The following ZNF644 variants were observed in gnomAD, a reference collection of about 807,000 sequenced individuals.
ZNF644 encodes zinc finger motif enhancer binding protein 2.
ZNF644 carries 20 observed loss-of-function variants against 108.0 expected under a neutral mutation model. The observed-to-expected ratio is 0.19, with a 90% CI of 0.13 to 0.27. The LOEUF is 0.27. ZNF644 is among the 10% of genes least tolerant of loss of function. The pLI, the probability that ZNF644 is intolerant of heterozygous loss-of-function variation, is 1.00. For missense variants in ZNF644, 1,338 were observed against 1,548.9 expected (o/e 0.86, Z 2.29); for synonymous variants, 542 against 539.1 (o/e 1.01, Z -0.08).
intron 4 of ZNF644, among the ~76,000 whole-genome samples, chr1:90,932,692 A>C (rs1248706331): frequency 1.3e-5 from 2 of 152,018 alleles, no homozygotes; most frequent in Non-Finnish European, 2.9e-5. Context: ...CAGAAAAGTT[A>C]ATAAAGCTTG....
intron 2 of ZNF644, among the ~76,000 whole-genome samples, chr1:90,980,521 A>G (rs1983780): frequency 0.013 from 1,930 of 152,306 alleles, 38 homozygotes; most frequent in African/African-American, 0.044. Context: ...AAAGAGTATA[A>G]AAAAGTTAGC....
chr1:90,955,369 G>A (rs574309151), intron 2 of ZNF644, among the ~76,000 whole-genome samples: 1 of 152,316 alleles, frequency 6.6e-6, no homozygotes, highest in Non-Finnish European at 1.5e-5. Flanking sequence ...TCAGGCTTCA[G>A]TTTTGAAGCC....
At chr1:90,959,744 T>A (rs1654135581) in intron 2 of ZNF644, among the ~76,000 whole-genome samples, 1 of 152,150 alleles carries the variant, frequency 6.6e-6, no homozygotes, top group South Asian at 2.1e-4. Context: ...ACGTAATGAA[T>A]ACGCAGTGTT....
Position 90,939,182 on chromosome 1 carries a change from T to C in ZNF644, c.2172A>G (p.Gln724=), listed in dbSNP as rs1429172447. Residue 724 remains glutamine, a synonymous_variant, in exon 3 of 6, where the codon CAA becomes CAG. Coordinates refer to ENST00000337393, the MANE Select transcript of ZNF644 (RefSeq NM_201269.3). ...TGGCATTAGACTTTTCTTTTGCTGCTTGATGGAAATACTTAGGTTTTTGGT... is the reference window on the plus strand; with the variant it reads ...TGGCATTAGACTTTTCTTTTGCTGCCTGATGGAAATACTTAGGTTTTTGGT... ...SVDQKPKYFH[Q]AAKEKSNAKA... is the part of the protein sequence containing the mutation. 3.1e-6 allele frequency: 5 copies of C among 1,613,782 alleles called. No homozygotes were observed. The highest frequency in any genetic ancestry group is 2.7e-5 in the African/African-American group (2 of 74,938).
intron 4 of ZNF644, chr1:90,918,385 C>CAGTA: frequency 2.0e-6 from 1 of 490,372 alleles, no homozygotes; most frequent in Non-Finnish European, 3.7e-6. Context: ...CTGTATTCTT[C>CAGTA]CTATACTGCC....
chr1:90,978,750 G>A (rs1254114787), intron 2 of ZNF644, among the ~76,000 whole-genome samples: 1 of 151,804 alleles, frequency 6.6e-6, no homozygotes. Context: ...GTGGAGACAT[G>A]TAAGTTAGGC....
chr1:90,961,147 T>C (rs1654299547), intron 2 of ZNF644, among the ~76,000 whole-genome samples: 1 of 152,160 alleles, frequency 6.6e-6, no homozygotes, highest in South Asian at 2.1e-4. Context: ...TGACGTTTCA[T>C]GGTGGCTAAA....
chr1:90,964,760 AGTAT>A (rs1447462475), intron 2 of ZNF644, among the ~76,000 whole-genome samples: 3 of 152,210 alleles, frequency 2.0e-5, no homozygotes, highest in Non-Finnish European at 4.4e-5. Flanking sequence ...AAGACTGTGA[AGTAT>A]ATTAGTATGA....
At chr1:90,974,446 C>T (rs1655799783) in intron 2 of ZNF644, among the ~76,000 whole-genome samples, 1 of 152,190 alleles carries the variant, frequency 6.6e-6, no homozygotes, top group Non-Finnish European at 1.5e-5. Flanking sequence ...AAGTCCTGAG[C>T]TACTTAAAGC....
At chr1:90,999,562 G>A (rs180801906) in intron 1 of ZNF644, among the ~76,000 whole-genome samples, 59 of 152,208 alleles carry the variant, frequency 3.9e-4, no homozygotes, top group East Asian at 1.3e-3. Context: ...AGGAACATCC[G>A]GTACCAGCCA....
chr1:90,961,082 T>C (rs892881826), intron 2 of ZNF644, among the ~76,000 whole-genome samples: 5 of 152,000 alleles, frequency 3.3e-5, no homozygotes, highest in African/African-American at 1.2e-4. Context: ...GAGGAAAGAA[T>C]AAAAAGCGAT....
intron 2 of ZNF644, among the ~76,000 whole-genome samples, chr1:90,959,635 G>T (rs902602303): frequency 3.3e-5 from 5 of 152,176 alleles, no homozygotes; most frequent in African/African-American, 1.2e-4. Flanking sequence ...ATATTCTATG[G>T]TTTCTTTCAT....
chr1:90,916,736 A>T lies in ZNF644; in HGVS notation c.*62T>A. ...ATAAACAGATAATTTAATGTGGCTT[A>T]AAAAAAAAGAATTTCAAATTTACAT... On this transcript the variant is annotated 3_prime_UTR_variant, in exon 6 of 6. Transcript: ENST00000337393. 3.4e-6 allele frequency: 5 copies of T among 1,466,272 alleles called. No homozygotes were observed. Among genetic ancestry groups the T allele is most frequent in the Non-Finnish European group, 3.8e-6 (4 of 1,057,084 alleles). The allele number at this position is 1,466,272 out of a possible 1,614,324, so 90.8% of individuals were successfully genotyped here. A position where few individuals can be genotyped will look rare whatever the true frequency, so the allele number is the denominator to read the frequency against.
chr1:90,997,290 C>T (rs559176003), intron 1 of ZNF644, among the ~76,000 whole-genome samples: 129 of 152,178 alleles, frequency 8.5e-4, no homozygotes, highest in African/African-American at 2.9e-3. Context: ...AAGGAGCATC[C>T]CAACACACAC....
intron 2 of ZNF644, among the ~76,000 whole-genome samples, chr1:90,980,151 C>T (rs566914758): frequency 6.6e-6 from 1 of 152,272 alleles, no homozygotes; most frequent in Non-Finnish European, 1.5e-5. Flanking sequence ...CAGCACTGTG[C>T]TAAGATAAAC....
intron 1 of ZNF644, among the ~76,000 whole-genome samples, chr1:90,991,169 T>C (rs1657598066): frequency 6.6e-6 from 1 of 152,174 alleles, no homozygotes; most frequent in South Asian, 2.1e-4. Context: ...ATGACAAGCA[T>C]ATCAAAAGAT....
At chr1:90,971,997 G>A (rs1394590949) in intron 2 of ZNF644, among the ~76,000 whole-genome samples, 2 of 152,188 alleles carry the variant, frequency 1.3e-5, no homozygotes, top group Non-Finnish European at 2.9e-5. Flanking sequence ...GTAAGCAGCT[G>A]TAGTCCCAGC....
intron 2 of ZNF644, among the ~76,000 whole-genome samples, chr1:90,943,302 G>A (rs1249870767): frequency 2.0e-5 from 3 of 152,024 alleles, no homozygotes; most frequent in East Asian, 1.9e-4. Flanking sequence ...TTAGCCAGGC[G>A]TGGTGGTGGG....
At position 90,940,535 on chromosome 1, in the gene ZNF644, C is replaced by T; in HGVS notation, c.819G>A (p.Glu273=). 1 of 1,613,582 alleles carries T rather than the reference C, an allele frequency of 6.2e-7. No individual in the cohort carries two copies. Among genetic ancestry groups the T allele is most frequent in the Non-Finnish European group, 8.5e-7 (1 of 1,179,888 alleles). Residue 273 remains glutamate (E), a synonymous_variant, in exon 3 of 6, where the codon GAG becomes GAA. Coordinates refer to ENST00000337393, the MANE Select transcript of ZNF644 (RefSeq NM_201269.3). ...GAGGTGGAGCTTTATCTACTGTTTC[C>T]TCATTAGTCATAAGAAATTGAATGA... ...KEFIQFLMTN[E]ETVDKAPPHS... is the part of the protein sequence containing the mutation.
Sources: gnomAD v4.1 joint callset for allele counts (sites outside exome capture counted in the v4.1 genomes callset) on GRCh38, gnomAD v4.1.1 for gene constraint, MANE v1.5 for transcripts, NCBI Gene and HGNC (gene_info 2026-07-23, HGNC 2026-07-21) for gene names.